KCNG3: variants seen among roughly 807,000 people sequenced by gnomAD.
KCNG3 encodes the protein voltage-gated potassium channel regulatory subunit KCNG3.
In KCNG3, 15 loss-of-function variants were observed where a neutral mutation model predicts 29.0. The ratio of observed to expected loss-of-function variants is 0.52; its 90% CI spans 0.35 to 0.80. KCNG3 has a LOEUF of 0.80. KCNG3 is among the 30% of genes least tolerant of loss of function. The pLI, the probability that KCNG3 is intolerant of heterozygous loss-of-function variation, is 0.01. For synonymous variants in KCNG3, 322 were observed against 248.9 expected (o/e 1.29, Z -2.76); for missense variants, 512 against 605.7 (o/e 0.85, Z 1.62).
intron 1 of KCNG3, among the ~76,000 whole-genome samples, chr2:42,471,155 A>AGTGTGTGTGTGT (rs565717729): frequency 0.019 from 2,556 of 137,602 alleles, 37 homozygotes; most frequent in Non-Finnish European, 0.028. Context: ...GTCTCAAAAA[A>AGTGTGTGTGTGT]GTGTGTGTGT....
intron 1 of KCNG3, among the ~76,000 whole-genome samples, chr2:42,483,744 A>C (rs1480001288): frequency 3.3e-5 from 5 of 152,204 alleles, no homozygotes. Context: ...CTATACAAAT[A>C]TTTAAAGAAT....
chr2:42,432,931 T>G, the KCNG3 span, among the ~76,000 whole-genome samples: 1 of 76,094 alleles, frequency 1.3e-5, no homozygotes, highest in Admixed American at 1.1e-4. Flanking sequence ...TATGCTTTTA[T>G]GATAAAAAAA....
At chr2:42,485,370 AC>A (rs1673695354) in intron 1 of KCNG3, among the ~76,000 whole-genome samples, 1 of 152,200 alleles carries the variant, frequency 6.6e-6, no homozygotes, top group Non-Finnish European at 1.5e-5. Flanking sequence ...GGCAAAAGGG[AC>A]CAAAAAACAA....
At chr2:42,418,167 A>T in the KCNG3 span, among the ~76,000 whole-genome samples, 1 of 152,122 alleles carries the variant, frequency 6.6e-6, no homozygotes, top group Admixed American at 6.6e-5. Flanking sequence ...TATAGCCATC[A>T]TACAATAATA....
At chr2:42,397,084 A>C in the KCNG3 span, among the ~76,000 whole-genome samples, 1 of 152,064 alleles carries the variant, frequency 6.6e-6, no homozygotes, top group African/African-American at 2.4e-5. Flanking sequence ...GTCTCTACTA[A>C]AAATACAAAA....
At chr2:42,398,971 C>A in the KCNG3 span, among the ~76,000 whole-genome samples, 5 of 151,898 alleles carry the variant, frequency 3.3e-5, 1 homozygote, top group South Asian at 1.0e-3. Flanking sequence ...TTGTAAGGCT[C>A]ATCTTTTGTG....
intron 1 of KCNG3, among the ~76,000 whole-genome samples, chr2:42,457,437 G>A (rs745653766): frequency 4.0e-5 from 6 of 151,894 alleles, no homozygotes; most frequent in Non-Finnish European, 7.4e-5. Flanking sequence ...TGAAGCTGAA[G>A]TGAGCTGTGA....
intron 1 of KCNG3, among the ~76,000 whole-genome samples, chr2:42,481,916 T>C (rs924700250): frequency 1.3e-5 from 2 of 152,234 alleles, no homozygotes; most frequent in Non-Finnish European, 2.9e-5. Context: ...TTCTGACTTA[T>C]TACTTCATAA....
chr2:42,429,716 T>C, the KCNG3 span, among the ~76,000 whole-genome samples: 2 of 152,132 alleles, frequency 1.3e-5, no homozygotes, highest in Admixed American at 6.6e-5. Context: ...AGCCTAGCTT[T>C]TAAAACCTCT....
At chr2:42,420,077 A>G in the KCNG3 span, among the ~76,000 whole-genome samples, 4 of 152,094 alleles carry the variant, frequency 2.6e-5, no homozygotes, top group Non-Finnish European at 5.9e-5. Flanking sequence ...TACAAAAATT[A>G]GCCGGGCATG....
intron 1 of KCNG3, among the ~76,000 whole-genome samples, chr2:42,474,137 T>G (rs1339552932): frequency 6.7e-6 from 1 of 149,862 alleles, no homozygotes; most frequent in Non-Finnish European, 1.5e-5. Context: ...ATCTTCTGAC[T>G]CTTGGTGATG....
intron 1 of KCNG3, among the ~76,000 whole-genome samples, chr2:42,466,806 G>A (rs924280952): frequency 6.8e-6 from 1 of 147,874 alleles, no homozygotes; most frequent in Admixed American, 6.8e-5. Context: ...AGGCTGGAGT[G>A]CAGTGGTGCG....
At chr2:42,425,579 C>T in the KCNG3 span, among the ~76,000 whole-genome samples, 26 of 152,054 alleles carry the variant, frequency 1.7e-4, no homozygotes, top group African/African-American at 6.0e-4. Context: ...AGAGAACATA[C>T]TATAAACAAA....
intron 1 of KCNG3, among the ~76,000 whole-genome samples, chr2:42,488,168 G>T (rs557814676): frequency 6.6e-6 from 1 of 152,134 alleles, no homozygotes; most frequent in Non-Finnish European, 1.5e-5. Context: ...GTTTTTATAT[G>T]ATTATTAACC....
chr2:42,408,875 A>G, the KCNG3 span, among the ~76,000 whole-genome samples: 1 of 152,184 alleles, frequency 6.6e-6, no homozygotes, highest in Non-Finnish European at 1.5e-5. Flanking sequence ...GAGCTCCCTG[A>G]GGCAGGGCTG....
chr2:42,436,896 G>A, the KCNG3 span, among the ~76,000 whole-genome samples: 1 of 152,084 alleles, frequency 6.6e-6, no homozygotes, highest in African/African-American at 2.4e-5. Context: ...CTTCTCAAAA[G>A]AACTTGTTCT....
intron 1 of KCNG3, among the ~76,000 whole-genome samples, chr2:42,483,948 C>T (rs989649131): frequency 1.3e-5 from 2 of 152,110 alleles, no homozygotes; most frequent in Non-Finnish European, 2.9e-5. Flanking sequence ...CACGTCACCA[C>T]ACCCGGCTAA....
chr2:42,478,737 T>C (rs1290242376), intron 1 of KCNG3, among the ~76,000 whole-genome samples: 1 of 152,144 alleles, frequency 6.6e-6, no homozygotes, highest in Non-Finnish European at 1.5e-5. Context: ...GATGGCTCTA[T>C]GGCTACTTGA....
chr2:42,402,084 G>C, the KCNG3 span, among the ~76,000 whole-genome samples: 1 of 152,112 alleles, frequency 6.6e-6, no homozygotes, highest in Admixed American at 6.5e-5. Context: ...CTCATTCATG[G>C]GGATGGGCAT....
Sources: allele counts gnomAD v4.1 joint callset (sites outside exome capture counted in the v4.1 genomes callset), GRCh38; gene constraint gnomAD v4.1.1; transcripts MANE v1.5; gene names NCBI Gene and HGNC (gene_info 2026-07-23, HGNC 2026-07-21).